The following CCDC9 variants were observed in gnomAD, a reference collection of about 807,000 sequenced individuals.
The protein encoded by CCDC9 is coiled-coil domain-containing protein 9.
In CCDC9, 52 loss-of-function variants were observed where a neutral mutation model predicts 65.6. That is an observed-to-expected ratio of 0.79 (90% confidence interval 0.63 to 1.00). CCDC9 has a LOEUF of 1.00. CCDC9 is among the 50% of genes least tolerant of loss of function. CCDC9 has a pLI of 0.00. For synonymous variants in CCDC9, 332 were observed against 280.3 expected (o/e 1.18, Z -1.84); for missense variants, 834 against 757.2 (o/e 1.10, Z -1.19).
chr19:47,275,250 C>T (rs1055219), downstream of CCDC9: 1 of 1,539,296 alleles, frequency 6.5e-7, no homozygotes, highest in South Asian at 1.2e-5. Flanking sequence ...CCAGCTGCCG[C>T]TGAGCCGCCG....
chr19:47,275,507 G>C, downstream of CCDC9: 3 of 1,046,092 alleles, frequency 2.9e-6, no homozygotes, highest in Non-Finnish European at 2.7e-6. Context: ...GGGGGTGTCA[G>C]CTCGGGGCCT....
intron 1 of CCDC9, among the ~76,000 whole-genome samples, chr19:47,257,110 G>A (rs575250226): frequency 2.0e-5 from 3 of 151,312 alleles, no homozygotes; most frequent in South Asian, 4.2e-4. Context: ...TTTCGTCTGA[G>A]CCACGGGCGC....
chr19:47,269,476 G>A (rs1331086685), intron 8 of CCDC9, among the ~76,000 whole-genome samples: 2 of 151,906 alleles, frequency 1.3e-5, no homozygotes, highest in African/African-American at 4.8e-5. Context: ...TCAGCCTCCC[G>A]AGTAGCTGAG....
At chr19:47,266,381 G>T in intron 7 of CCDC9, 1 of 505,050 alleles carries the variant, frequency 2.0e-6, no homozygotes, top group Non-Finnish European at 3.4e-6. Context: ...GAGATGTGAG[G>T]TCCTACCAAG....
chr19:47,270,705 G>A lies in CCDC9; in HGVS notation c.1085+17G>A. On this transcript the variant is annotated intron_variant, in intron 10 of 11. Coordinates refer to ENST00000221922, the MANE Select transcript of CCDC9 (RefSeq NM_015603.3). ...GGCCTACAGGTGGGGCACCCCTTCT[G>A]CGGGCTTGCATACCCCCAGGGCTCT... 4 of 1,605,020 alleles carry A rather than the reference G, an allele frequency of 2.5e-6. No homozygotes were observed. The highest frequency in any genetic ancestry group is 3.4e-6 in the Non-Finnish European group (4 of 1,177,876).
At position 47,271,730 on chromosome 19, in the gene CCDC9, TGTGCGCGCGCGCGCGCGCGCGCGC is replaced by T. The variant is rs1357420667; in HGVS notation, c.*54_*77del. 2 of 672,248 alleles carry T rather than the reference TGTGCGCGCGCGCGCGCGCGCGCGC, an allele frequency of 3.0e-6. No individual in the cohort carries two copies. Among genetic ancestry groups the T allele is most frequent in the South Asian group, 3.9e-5 (1 of 25,648 alleles). The allele number at this position is 672,248 out of a possible 1,614,324, so 41.6% of individuals were successfully genotyped here. Reference sequence around the variant, plus strand: ...GTGTGTGTGTGTGTGTGTGTGTGTGTGTGCGCGCGCGCGCGCGCGCGCGCGCGCGCTAGAGGGGTGTGGCTGGTG... The same window carrying T: ...GTGTGTGTGTGTGTGTGTGTGTGTGTGCGCGCTAGAGGGGTGTGGCTGGTG... On this transcript the variant is annotated 3_prime_UTR_variant, in exon 12 of 12. Coordinates refer to ENST00000221922, the MANE Select transcript of CCDC9 (RefSeq NM_015603.3).
chr19:47,258,764 C>T, intron 3 of CCDC9, 101 bp downstream of exon 3: 1 of 846,602 alleles, frequency 1.2e-6, no homozygotes, highest in Non-Finnish European at 2.0e-6. Context: ...CTCCCCATCA[C>T]TGTCAGGATA....
chr19:47,257,079 G>T (rs997920718), intron 1 of CCDC9, among the ~76,000 whole-genome samples: 4 of 150,470 alleles, frequency 2.7e-5, no homozygotes, highest in African/African-American at 9.8e-5. Context: ...GGCGGGGAAT[G>T]CTGGGGGTGG....
In CCDC9 at chr19:47,259,367, T is replaced by C. The variant is rs945629613; in HGVS notation, c.108+704T>C. Among the ~76,000 whole-genome samples the C allele has an allele frequency of 5.3e-5, 8 of 152,092 alleles. No homozygotes were observed. In the South Asian group the frequency reaches 1.5e-3, roughly 28 times the overall value. On this transcript the variant is annotated intron_variant, in intron 3 of 11. Transcript: ENST00000221922. ...GGTGGGACCGGTCAGAACAGCTCTT[T>C]AGGAAGACGCCTCTGGGTGCTGTGC...
intron 10 of CCDC9, 32 bp from the exon 11 acceptor site, chr19:47,271,050 C>T: frequency 6.8e-7 from 1 of 1,470,722 alleles, no homozygotes; most frequent in Non-Finnish European, 9.2e-7. Context: ...TACTCTCCAC[C>T]CAGGCATCAC....
At chr19:47,271,047 C>T in intron 10 of CCDC9, 35 bp from the exon 11 acceptor site, 1 of 1,456,284 alleles carries the variant, frequency 6.9e-7, no homozygotes, top group Non-Finnish European at 9.3e-7. Context: ...GTCTACTCTC[C>T]ACCCAGGCAT....
At chr19:47,275,218 C>T (rs2059150971), downstream of CCDC9, 2 of 1,528,628 alleles carry the variant, frequency 1.3e-6, no homozygotes, top group South Asian at 2.4e-5. Context: ...CTGGGAGTCC[C>T]CGGCGGGCCG....
At chr19:47,275,709 G>T (rs1488859613), downstream of CCDC9, 5 of 294,816 alleles carry the variant, frequency 1.7e-5, no homozygotes, top group Non-Finnish European at 3.4e-5. Flanking sequence ...TGCTGTGTCT[G>T]TCCTGTTGTC....
downstream of CCDC9, chr19:47,273,961 C>T (rs1405493762): frequency 1.0e-6 from 1 of 984,414 alleles, no homozygotes; most frequent in African/African-American, 1.7e-5. Flanking sequence ...TCCCCCCTCC[C>T]GCAGGCCTCC....
At chr19:47,273,473 G>T (rs2059136691), downstream of CCDC9, 1 of 980,910 alleles carries the variant, frequency 1.0e-6, no homozygotes. Context: ...GCGCCCGCCG[G>T]ACCGCGGCCT....
Position 47,266,713 on chromosome 19 carries a change from G to A in CCDC9, c.823G>A (p.Asp275Asn), listed in dbSNP as rs1396786766. ...CTGGAAGCAGGAGAGGGAGAAGATC[G>A]ACCAGGAGCGGCTGCAGAGGCACCG... ...LRWKQEREKIDQERLQRHRKP... is the reference protein window; with the variant it reads ...LRWKQEREKINQERLQRHRKP... Residue 275 changes from aspartate to asparagine, a missense_variant, in exon 8 of 12, where the codon GAC becomes AAC. Physicochemically the swap from Asp to Asn is conservative, Grantham distance 23. Coordinates refer to ENST00000221922, the MANE Select transcript of CCDC9 (RefSeq NM_015603.3). 10 of 1,611,668 alleles carry A rather than the reference G, an allele frequency of 6.2e-6. No homozygotes were observed. Among genetic ancestry groups the A allele is most frequent in the South Asian group, 1.1e-5 (1 of 90,558 alleles).
chr19:47,272,439 CAG>C (rs148321661), downstream of CCDC9, among the ~76,000 whole-genome samples: 465 of 152,188 alleles, frequency 3.1e-3, 1 homozygote, highest in African/African-American at 0.011. Flanking sequence ...GAGTCGAGCT[CAG>C]GGGTTTTGGA....
chr19:47,257,349 C>A (rs1313515929), intron 1 of CCDC9, among the ~76,000 whole-genome samples: 2 of 142,812 alleles, frequency 1.4e-5, no homozygotes, highest in East Asian at 2.1e-4. Context: ...AGGCTGTTGC[C>A]TGCGAGCCAG....
chr19:47,270,567 GCCC>G lies in CCDC9; in HGVS notation c.965_967del (p.Ala322_Arg323delinsGly). 4 of 1,614,086 alleles carry G rather than the reference GCCC, an allele frequency of 2.5e-6. No homozygotes were observed. Among genetic ancestry groups the G allele is most frequent in the Non-Finnish European group, 3.4e-6 (4 of 1,180,038 alleles). ...TTCTGTTGCAGATGACCAGGCCTGG[GCCC>G]GGCCCCCGAAGCCCCCTACTTTTGG... On this transcript the variant is annotated inframe_deletion, in exon 10 of 12. Transcript: ENST00000221922.
Sources: gnomAD v4.1 joint callset for allele counts (sites outside exome capture counted in the v4.1 genomes callset) on GRCh38, gnomAD v4.1.1 for gene constraint, MANE v1.5 for transcripts, NCBI Gene and HGNC (gene_info 2026-07-23, HGNC 2026-07-21) for gene names.